GPC5: variants seen among roughly 807,000 people sequenced by gnomAD.
GPC5 encodes the protein glypican-5.
A neutral mutation model predicts 53.9 loss-of-function variants in GPC5; 47 were observed. That is an observed-to-expected ratio of 0.87 (90% confidence interval 0.69 to 1.11). The LOEUF (loss-of-function observed/expected upper bound fraction) is 1.11. Among genes scored for constraint, GPC5 ranks in the 50% most tolerant of loss-of-function variants. The pLI, the probability that GPC5 is intolerant of heterozygous loss-of-function variation, is 0.00. For missense variants in GPC5, 748 were observed against 713.1 expected, an observed-to-expected ratio of 1.05 and a Z score of -0.56; for synonymous variants, 286 against 263.3, an observed-to-expected ratio of 1.09 and a Z score of -0.84.
intron 2 of GPC5, among the ~76,000 whole-genome samples, chr13:91,540,230 C>T (rs2029873459): frequency 6.6e-6 from 1 of 152,222 alleles, no homozygotes. Context: ...TCCAGACTCT[C>T]TTCAGGGTCC....
At chr13:91,883,038 G>T (rs188766589) in intron 5 of GPC5, among the ~76,000 whole-genome samples, 8 of 152,166 alleles carry the variant, frequency 5.3e-5, no homozygotes, top group Non-Finnish European at 1.0e-4. Flanking sequence ...ATTCCAGCAG[G>T]ATTCATCTGA....
intron 7 of GPC5, among the ~76,000 whole-genome samples, chr13:92,648,354 C>A (rs1285764794): frequency 2.0e-5 from 3 of 152,008 alleles, no homozygotes; most frequent in Admixed American, 6.6e-5. Context: ...TTTTAAGATA[C>A]ATGCTTCAGT....
intron 5 of GPC5, among the ~76,000 whole-genome samples, chr13:91,798,751 C>G (rs1328739713): frequency 1.3e-5 from 2 of 152,108 alleles, no homozygotes; most frequent in Non-Finnish European, 2.9e-5. Context: ...ATTGCTGGGT[C>G]AAATGGTATT....
chr13:92,018,146 G>A (rs9523481), intron 6 of GPC5, among the ~76,000 whole-genome samples: 135,008 of 152,126 alleles, frequency 0.89, 60,676 homozygotes, highest in East Asian at 1. Context: ...ATGCAACCCC[G>A]GTGCAACAGC....
At chr13:91,947,080 C>T (rs567563074) in intron 6 of GPC5, among the ~76,000 whole-genome samples, 1 of 152,232 alleles carries the variant, frequency 6.6e-6, no homozygotes, top group South Asian at 2.1e-4. Flanking sequence ...TTAACCATTG[C>T]ACACAGAAGA....
chr13:91,654,352 A>G lies in GPC5; in HGVS notation c.326-38835A>G, dbSNP rs1337451646. Among the ~76,000 whole-genome samples the G allele has an allele frequency of 2.0e-5, 3 of 152,174 alleles. No individual in the cohort carries two copies. In the East Asian group the frequency reaches 5.8e-4, roughly 29 times the overall value. ...TGACCACTGTATAATTTTTTTAAAAATGGAAAATTCACAAATATGCTTAAA... is the reference window on the plus strand; with the variant it reads ...TGACCACTGTATAATTTTTTTAAAAGTGGAAAATTCACAAATATGCTTAAA... On this transcript the variant is annotated intron_variant, in intron 2 of 7. Transcript: ENST00000377067.
intron 2 of GPC5, among the ~76,000 whole-genome samples, chr13:91,656,314 A>C (rs2034844122): frequency 1.3e-5 from 2 of 152,178 alleles, no homozygotes; most frequent in Admixed American, 1.3e-4. Context: ...TGTCACCTAA[A>C]GCTGAATGGC....
At chr13:92,851,853 A>C (rs1878816154) in intron 7 of GPC5, among the ~76,000 whole-genome samples, 1 of 145,428 alleles carries the variant, frequency 6.9e-6, no homozygotes, top group Non-Finnish European at 1.5e-5. Context: ...GCCCCAGTGC[A>C]CTCCAGCCTG....
At chr13:92,708,857 CTTTTTTTTTTTTTTTTTTTTTTTTT>C (rs752130758) in intron 7 of GPC5, among the ~76,000 whole-genome samples, 34 of 48,186 alleles carry the variant, frequency 7.1e-4, no homozygotes, top group South Asian at 2.1e-3. Context: ...TGGAAACCGC[CTTTTTTTTTTTTTTTTTTTTTTTTT>C]TTTTTTTTTT....
chr13:92,394,641 A>AC (rs1391298045), intron 7 of GPC5, among the ~76,000 whole-genome samples: 1 of 152,202 alleles, frequency 6.6e-6, no homozygotes, highest in African/African-American at 2.4e-5. Flanking sequence ...AGCAGCACAA[A>AC]CTAAGATACA....
chr13:91,495,892 G>A lies in GPC5; in HGVS notation c.325+46970G>A, dbSNP rs9589259. 9.3e-3 allele frequency among the ~76,000 whole-genome samples: 1,421 copies of A among 152,136 alleles called. 22 individuals are homozygous for A. The highest frequency in any genetic ancestry group is 0.029 in the African/African-American group (1,221 of 41,514). ...ACGAAAATTAGCTGGGCGTGGTGGCGGGTGCCTGTAATCCCAGCTACTTGG... is the reference window on the plus strand; with the variant it reads ...ACGAAAATTAGCTGGGCGTGGTGGCAGGTGCCTGTAATCCCAGCTACTTGG... On this transcript the variant is annotated intron_variant, in intron 2 of 7. Transcript: ENST00000377067.
At chr13:92,508,387 A>G (rs537609821) in intron 7 of GPC5, among the ~76,000 whole-genome samples, 3 of 152,352 alleles carry the variant, frequency 2.0e-5, no homozygotes, top group South Asian at 4.1e-4. Flanking sequence ...CAGCTTGGGT[A>G]CAATAATAAT....
intron 7 of GPC5, among the ~76,000 whole-genome samples, chr13:92,449,582 G>A (rs565862157): frequency 6.6e-6 from 1 of 152,052 alleles, no homozygotes; most frequent in East Asian, 1.9e-4. Context: ...CAAGTATTAT[G>A]TAATGCAGTA....
chr13:92,135,458 G>A (rs921010621), intron 6 of GPC5, among the ~76,000 whole-genome samples: 4 of 152,058 alleles, frequency 2.6e-5, no homozygotes, highest in Non-Finnish European at 5.9e-5. Context: ...TTTGGACAAC[G>A]ACACAAATTC....
chr13:92,023,596 C>T (rs532581737), intron 6 of GPC5, among the ~76,000 whole-genome samples: 1 of 151,144 alleles, frequency 6.6e-6, no homozygotes, highest in South Asian at 2.1e-4. Context: ...AGATTCCATA[C>T]TTGGTGTGTC....
chr13:92,302,618 A>C (rs1485059079), intron 7 of GPC5, among the ~76,000 whole-genome samples: 1 of 152,210 alleles, frequency 6.6e-6, no homozygotes, highest in Non-Finnish European at 1.5e-5. Flanking sequence ...TGATATAATA[A>C]CATCTGTTGC....
chr13:92,808,101 A>C (rs1284144006), intron 7 of GPC5, among the ~76,000 whole-genome samples: 1 of 152,100 alleles, frequency 6.6e-6, no homozygotes, highest in Non-Finnish European at 1.5e-5. Flanking sequence ...CCAACAGTAC[A>C]TACCCTGTTC....
chr13:92,359,616 G>T (rs1231760515), intron 7 of GPC5, among the ~76,000 whole-genome samples: 2 of 151,658 alleles, frequency 1.3e-5, no homozygotes, highest in Non-Finnish European at 2.9e-5. Context: ...TTGGCTCATG[G>T]TTCTGTAGGC....
In GPC5 at chr13:92,233,758, T is replaced by G. The variant is rs193116548; in HGVS notation, c.1561+88769T>G. On this transcript the variant is annotated intron_variant, in intron 7 of 7. Transcript: ENST00000377067. Reference sequence around the variant, plus strand: ...GTGCCGTGTTGGTGTGCTGTACCCATTAACTCGTCATTTAACATTAGGTAT... The same window carrying G: ...GTGCCGTGTTGGTGTGCTGTACCCAGTAACTCGTCATTTAACATTAGGTAT... 8.5e-4 allele frequency among the ~76,000 whole-genome samples: 130 copies of G among 152,282 alleles called. 1 individual carries two copies. The highest frequency in any genetic ancestry group is 3.1e-3 in the African/African-American group (127 of 41,564).
Sources: gnomAD v4.1 joint callset for allele counts (sites outside exome capture counted in the v4.1 genomes callset) on GRCh38, gnomAD v4.1.1 for gene constraint, MANE v1.5 for transcripts, NCBI Gene and HGNC (gene_info 2026-07-23, HGNC 2026-07-21) for gene names.